GRID1: variants seen among roughly 807,000 people sequenced by gnomAD.
GRID1 encodes glutamate ionotropic receptor delta type subunit 1, also known as glutamate receptor ionotropic, delta-1.
GRID1 carries 28 observed loss-of-function variants against 98.0 expected under a neutral mutation model. The ratio of observed to expected loss-of-function variants is 0.29; its 90% CI spans 0.21 to 0.39. The LOEUF is 0.39. GRID1 is among the 10% of genes least tolerant of loss of function. GRID1 has a pLI of 1.00. For synonymous variants in GRID1, 553 were observed against 538.5 expected, an observed-to-expected ratio of 1.03 and a Z score of -0.37; for missense variants, 1,111 against 1,340.5, an observed-to-expected ratio of 0.83 and a Z score of 2.67.
chr10:86,327,911 A>C (rs1203979750), intron 2 of GRID1, among the ~76,000 whole-genome samples: 1 of 152,258 alleles, frequency 6.6e-6, no homozygotes, highest in African/African-American at 2.4e-5. Flanking sequence ...GCAATTCCAC[A>C]ACTTAGAGTC....
At chr10:86,007,626 A>G (rs1223554927) in intron 4 of GRID1, among the ~76,000 whole-genome samples, 1 of 152,216 alleles carries the variant, frequency 6.6e-6, no homozygotes, top group African/African-American at 2.4e-5. Context: ...AGAAAAGTCA[A>G]TTAAAAAAAT....
At chr10:85,756,677 A>G (rs1431781558) in intron 8 of GRID1, among the ~76,000 whole-genome samples, 1 of 152,234 alleles carries the variant, frequency 6.6e-6, no homozygotes. Flanking sequence ...TCTGGAATTT[A>G]CCATTTAATA....
chr10:85,942,807 A>T (rs979531652), intron 4 of GRID1, among the ~76,000 whole-genome samples: 2 of 152,222 alleles, frequency 1.3e-5, no homozygotes, highest in Admixed American at 6.5e-5. Flanking sequence ...AGTGAGGCAT[A>T]GAAAGAAGAG....
At chr10:85,985,176 T>C (rs1842594163) in intron 4 of GRID1, among the ~76,000 whole-genome samples, 1 of 152,170 alleles carries the variant, frequency 6.6e-6, no homozygotes, top group African/African-American at 2.4e-5. Flanking sequence ...GCATACACCA[T>C]TTAATCTTCA....
intron 2 of GRID1, among the ~76,000 whole-genome samples, chr10:86,264,421 G>C (rs1235153584): frequency 2.0e-5 from 3 of 152,162 alleles, no homozygotes; most frequent in African/African-American, 4.8e-5. Flanking sequence ...ACCCCAGAGG[G>C]AGGAATCCCA....
intron 12 of GRID1, among the ~76,000 whole-genome samples, chr10:85,683,201 G>C (rs1048534592): frequency 6.6e-6 from 1 of 151,778 alleles, no homozygotes; most frequent in South Asian, 2.1e-4. Context: ...CTTGTTATAG[G>C]CATGCAGAGA....
chr10:85,721,031 A>G (rs1841695748), intron 12 of GRID1, among the ~76,000 whole-genome samples: 1 of 152,234 alleles, frequency 6.6e-6, no homozygotes, highest in Admixed American at 6.5e-5. Context: ...TCCATTTAGA[A>G]AAGATAAAAA....
chr10:85,888,648 G>C (rs185444894), intron 5 of GRID1, among the ~76,000 whole-genome samples: 2 of 152,222 alleles, frequency 1.3e-5, no homozygotes, highest in African/African-American at 4.8e-5. Flanking sequence ...GGTGATGGAC[G>C]TGTTTAGGTG....
chr10:86,165,645 G>A (rs1269659677), intron 3 of GRID1, among the ~76,000 whole-genome samples: 1 of 152,204 alleles, frequency 6.6e-6, no homozygotes. Context: ...AGGTTATAAA[G>A]ACTGGGCCTG....
intron 4 of GRID1, among the ~76,000 whole-genome samples, chr10:86,121,448 T>C (rs925624227): frequency 1.3e-5 from 2 of 151,392 alleles, no homozygotes; most frequent in Non-Finnish European, 2.9e-5. Flanking sequence ...ATTAACATAA[T>C]CATCATCATC....
intron 5 of GRID1, among the ~76,000 whole-genome samples, chr10:85,888,285 T>A (rs1841146258): frequency 6.6e-6 from 1 of 152,030 alleles, no homozygotes; most frequent in African/African-American, 2.4e-5. Flanking sequence ...CACAGCCCAT[T>A]CCCAAGCGTG....
intron 2 of GRID1, among the ~76,000 whole-genome samples, chr10:86,276,080 G>A (rs1250507201): frequency 6.6e-6 from 1 of 152,180 alleles, no homozygotes; most frequent in Non-Finnish European, 1.5e-5. Flanking sequence ...GGTTTACTGG[G>A]AGTGTCATAA....
chr10:85,958,592 T>G (rs957562104), intron 4 of GRID1, among the ~76,000 whole-genome samples: 3 of 152,176 alleles, frequency 2.0e-5, no homozygotes, highest in African/African-American at 7.2e-5. Context: ...AATCAGTAAC[T>G]AAGTAAGGTA....
At chr10:85,831,005 C>T (rs1456683748) in intron 8 of GRID1, among the ~76,000 whole-genome samples, 2 of 152,104 alleles carry the variant, frequency 1.3e-5, no homozygotes, top group South Asian at 2.1e-4. Flanking sequence ...AAGACACATA[C>T]ACATGTAGGT....
intron 4 of GRID1, among the ~76,000 whole-genome samples, chr10:85,938,524 G>A (rs568375767): frequency 2.0e-5 from 3 of 152,142 alleles, no homozygotes; most frequent in Non-Finnish European, 4.4e-5. Flanking sequence ...CAACGCTATG[G>A]GGTAGTTTCT....
chr10:86,242,465 G>A (rs914697153), intron 2 of GRID1, among the ~76,000 whole-genome samples: 6 of 152,194 alleles, frequency 3.9e-5, no homozygotes, highest in Non-Finnish European at 5.9e-5. Flanking sequence ...GGCTCTTGAC[G>A]TATCCTGAGC....
chr10:86,245,625 CCCAA>C (rs1346442423), intron 2 of GRID1, among the ~76,000 whole-genome samples: 1 of 152,232 alleles, frequency 6.6e-6, no homozygotes, highest in East Asian at 1.9e-4. Flanking sequence ...GAAGGCCCCA[CCCAA>C]AGGAACTGCC....
At chr10:86,293,098 C>T (rs1053093109) in intron 2 of GRID1, among the ~76,000 whole-genome samples, 3 of 152,196 alleles carry the variant, frequency 2.0e-5, no homozygotes, top group African/African-American at 7.2e-5. Context: ...CTAGCTGTGC[C>T]GGCGCTGCCT....
chr10:86,178,873 G>A (rs1001404692), intron 3 of GRID1, among the ~76,000 whole-genome samples: 3 of 152,150 alleles, frequency 2.0e-5, no homozygotes, highest in African/African-American at 7.2e-5. Context: ...CTGATGGGGA[G>A]AATTTTCTCT....
Sources: gnomAD v4.1 joint callset for allele counts (sites outside exome capture counted in the v4.1 genomes callset) on GRCh38, gnomAD v4.1.1 for gene constraint, MANE v1.5 for transcripts, NCBI Gene and HGNC (gene_info 2026-07-23, HGNC 2026-07-21) for gene names.